RANBP2: variants seen among roughly 807,000 people sequenced by gnomAD.
RANBP2 encodes the protein RAN binding protein 2.
Under a neutral mutation model 303.6 loss-of-function variants are expected in RANBP2, and 57 were observed. The ratio of observed to expected loss-of-function variants is 0.19; its 90% CI spans 0.15 to 0.23. RANBP2 has a LOEUF of 0.23. RANBP2 is among the 10% of genes least tolerant of loss of function. The pLI is 1.00. For synonymous variants in RANBP2, 1,167 were observed against 1,301.5 expected (o/e 0.90, Z 2.23); for missense variants, 3,138 against 3,780.8 (o/e 0.83, Z 4.46).
chr2:109,253,262 G>A, the RANBP2 span, among the ~76,000 whole-genome samples: 6 of 152,074 alleles, frequency 3.9e-5, no homozygotes, highest in African/African-American at 9.7e-5. Flanking sequence ...GAAGTGATCC[G>A]CCTGCCTCAG....
At chr2:108,794,169 C>A in the RANBP2 span, among the ~76,000 whole-genome samples, 1 of 152,152 alleles carries the variant, frequency 6.6e-6, no homozygotes. Context: ...AGCAAAGCAG[C>A]ATGTAACACT....
the RANBP2 span, among the ~76,000 whole-genome samples, chr2:108,946,039 C>A: frequency 2.6e-5 from 4 of 152,082 alleles, no homozygotes; most frequent in African/African-American, 9.7e-5. Flanking sequence ...ACTGGCAGCA[C>A]TAGTCCTCAG....
chr2:108,919,681 T>C, the RANBP2 span, among the ~76,000 whole-genome samples: 1 of 152,156 alleles, frequency 6.6e-6, no homozygotes, highest in Non-Finnish European at 1.5e-5. Flanking sequence ...TAGGGAAGGA[T>C]TTCTGCTGCC....
chr2:109,484,717 A>T, the RANBP2 span, among the ~76,000 whole-genome samples: 8 of 152,292 alleles, frequency 5.3e-5, no homozygotes, highest in Admixed American at 2.6e-4. Context: ...CAAATAACAG[A>T]AAAGGGTATA....
At chr2:108,930,936 G>T in the RANBP2 span, 14 of 1,612,870 alleles carry the variant, frequency 8.7e-6, no homozygotes, top group Non-Finnish European at 1.1e-5. Context: ...TGAGGGTGCT[G>T]TGGGGGTAAG....
At chr2:109,354,719 G>A in the RANBP2 span, among the ~76,000 whole-genome samples, 2 of 152,254 alleles carry the variant, frequency 1.3e-5, no homozygotes, top group South Asian at 2.1e-4. Context: ...CAGGGAAGGC[G>A]AGCGTCGGCA....
In RANBP2 at chr2:108,771,804, T is replaced by C. The variant is rs754057739; in HGVS notation, c.7953T>C (p.Leu2651=). 1 of 1,614,078 alleles carries C rather than the reference T, an allele frequency of 6.2e-7. No individual in the cohort carries two copies. Among genetic ancestry groups the C allele is most frequent in the South Asian group, 1.1e-5 (1 of 91,084 alleles). The change falls in exon 21 of 29, where the codon CTT becomes CTC. Residue 2651 remains leucine, a synonymous_variant. Transcript: ENST00000283195. ...TAEQKALATK[L]KLPPTFFCYK... is the part of the protein sequence containing the mutation. The stretch of plus-strand genomic sequence containing the variant: ...AGCAGAAAGCCCTTGCAACCAAACT[T>C]AAACTTCCTCCAACTTTCTTCTGCT...
the RANBP2 span, among the ~76,000 whole-genome samples, chr2:109,033,466 T>G: frequency 6.6e-6 from 1 of 152,138 alleles, no homozygotes; most frequent in Non-Finnish European, 1.5e-5. Flanking sequence ...TTTAATCAGG[T>G]GCTGTAGCTG....
chr2:108,754,685 A>C (rs2378193), intron 15 of RANBP2, among the ~76,000 whole-genome samples: 1 of 152,230 alleles, frequency 6.6e-6, no homozygotes, highest in East Asian at 1.9e-4. Flanking sequence ...TTCTGTGTTC[A>C]TGAAGAAAAA....
chr2:109,004,813 T>C, the RANBP2 span, among the ~76,000 whole-genome samples: 3 of 152,174 alleles, frequency 2.0e-5, no homozygotes, highest in Non-Finnish European at 2.9e-5. Context: ...ATCAGAAATA[T>C]CTAAAACAAA....
At chr2:109,046,652 T>G in the RANBP2 span, among the ~76,000 whole-genome samples, 2 of 152,094 alleles carry the variant, frequency 1.3e-5, no homozygotes, top group African/African-American at 4.8e-5. Context: ...AGTGCTGGGA[T>G]TACAGGCGTG....
the RANBP2 span, among the ~76,000 whole-genome samples, chr2:109,102,240 A>G: frequency 5.9e-5 from 9 of 151,928 alleles, no homozygotes; most frequent in Admixed American, 2.0e-4. Flanking sequence ...AGCTGGGACT[A>G]CAGGCGCCTG....
At chr2:109,432,668 C>T in the RANBP2 span, 1 of 1,611,030 alleles carries the variant, frequency 6.2e-7, no homozygotes. Context: ...ACACCCGTTT[C>T]CAGGTGAGGG....
At position 108,768,366 on chromosome 2, in the gene RANBP2, C is replaced by T. The variant is rs371875659; in HGVS notation, c.7827C>T (p.Tyr2609=). 2.6e-5 allele frequency: 42 copies of T among 1,611,734 alleles called. No individual in the cohort carries two copies. The East Asian group carries it at 6.7e-4, about 26-fold the overall frequency. ...CAACGGAAGAATCTTCAATCAACTA[C>T]ACATTTAAAACACCAGAAAAGGGTA... ...SFPTEESSIN[Y]TFKTPEKAKE... The change falls in exon 20 of 29, where the codon TAC becomes TAT. Residue 2609 remains tyrosine (Y), a synonymous_variant. Coordinates refer to ENST00000283195, the MANE Select transcript of RANBP2 (RefSeq NM_006267.5).
the RANBP2 span, chr2:109,130,073 TG>T: frequency 7.3e-7 from 1 of 1,366,186 alleles, no homozygotes; most frequent in Non-Finnish European, 9.4e-7. Flanking sequence ...GCCGGCAGTC[TG>T]CGGGAGCTGG....
chr2:109,142,327 C>A, the RANBP2 span, among the ~76,000 whole-genome samples: 1 of 152,136 alleles, frequency 6.6e-6, no homozygotes, highest in African/African-American at 2.4e-5. Context: ...CTTAAAAATT[C>A]CCATGCATGT....
At position 108,766,631 on chromosome 2, in the gene RANBP2, A is replaced by G. The variant is rs750631407; in HGVS notation, c.6092A>G (p.Asp2031Gly). The change falls in exon 20 of 29, where the codon GAT (aspartate) becomes GGT (glycine). Residue 2031 changes from aspartate (D) to glycine (G), a missense_variant. Transcript: ENST00000283195. ...GTAGAACTTGTAACAGGAGAAGAAG[A>G]TGAAAAAGTTCTGTATTCACAGCGG... ...EKVELVTGEE[D>G]EKVLYSQRVK... 1.9e-5 allele frequency: 31 copies of G among 1,611,920 alleles called. No homozygotes were observed. Among genetic ancestry groups the G allele is most frequent in the Non-Finnish European group, 2.4e-5 (28 of 1,179,862 alleles).
chr2:109,447,930 ACATG>A, the RANBP2 span, among the ~76,000 whole-genome samples: 1 of 152,202 alleles, frequency 6.6e-6, no homozygotes, highest in Admixed American at 6.5e-5. Context: ...CGGTGCTTCG[ACATG>A]CAGGCAGAGC....
At chr2:109,024,844 A>G in the RANBP2 span, among the ~76,000 whole-genome samples, 1,338 of 152,320 alleles carry the variant, frequency 8.8e-3, 20 homozygotes, top group African/African-American at 0.031. Flanking sequence ...AACTTATTTT[A>G]TGATTGCAAA....
Sources: gnomAD v4.1 joint callset for allele counts (sites outside exome capture counted in the v4.1 genomes callset) on GRCh38, gnomAD v4.1.1 for gene constraint, MANE v1.5 for transcripts, NCBI Gene and HGNC (gene_info 2026-07-23, HGNC 2026-07-21) for gene names.